The following TMEM272 variants were observed in gnomAD, a reference collection of about 807,000 sequenced individuals.
TMEM272 encodes transmembrane protein 272, also known as long intergenic non-protein coding RNA 282.
Under a neutral mutation model 3.7 loss-of-function variants are expected in TMEM272, and 8 were observed. That is an observed-to-expected ratio of 2.17 (90% CI 1.27 to 3.91). The LOEUF (loss-of-function observed/expected upper bound fraction) is 3.91, where lower values mean the gene tolerates loss of function less well. TMEM272 is among the 30% of genes most tolerant of loss of function. The probability of loss-of-function intolerance (pLI) is 0.00; values close to 1 mark genes in which losing one functional copy is unlikely to be tolerated. For missense variants in TMEM272, 166 were observed against 91.5 expected (o/e 1.81, Z -3.32); for synonymous variants, 63 against 39.8 (o/e 1.58, Z -2.20).
the TMEM272 span, among the ~76,000 whole-genome samples, chr13:51,890,128 T>A: frequency 6.6e-6 from 1 of 152,166 alleles, no homozygotes; most frequent in Non-Finnish European, 1.5e-5. Flanking sequence ...AGTCCTCATC[T>A]TTGAGCACTC....
the TMEM272 span, among the ~76,000 whole-genome samples, chr13:51,918,349 ATCTT>A: frequency 2.0e-5 from 3 of 152,170 alleles, no homozygotes; most frequent in Non-Finnish European, 4.4e-5. Context: ...CGCTTTAAAA[ATCTT>A]TCTCAGTGTC....
At chr13:51,910,708 C>T in the TMEM272 span, 2 of 397,112 alleles carry the variant, frequency 5.0e-6, no homozygotes, top group Non-Finnish European at 4.9e-6. Flanking sequence ...GCCTTCTGTT[C>T]GGAACTCAAA....
At chr13:51,921,145 C>T in the TMEM272 span, 1 of 152,364 alleles carries the variant, frequency 6.6e-6, no homozygotes, top group African/African-American at 2.4e-5. Context: ...AGCGGCTACA[C>T]ATTTCTCAGG....
At chr13:51,904,601 T>C in the TMEM272 span, among the ~76,000 whole-genome samples, 2 of 152,206 alleles carry the variant, frequency 1.3e-5, no homozygotes, top group African/African-American at 4.8e-5. Flanking sequence ...GTTTTCAAGA[T>C]ATTGTGAAAA....
chr13:51,921,909 T>TGC, the TMEM272 span, among the ~76,000 whole-genome samples: 1 of 152,062 alleles, frequency 6.6e-6, no homozygotes, highest in Non-Finnish European at 1.5e-5. Context: ...ACCCACTGTG[T>TGC]GCGTGTGTGT....
intron 1 of TMEM272, among the ~76,000 whole-genome samples, chr13:51,840,870 C>T (rs1199334947): frequency 3.3e-4 from 50 of 152,230 alleles, no homozygotes; most frequent in Admixed American, 3.3e-3. Context: ...CCACAGCCTC[C>T]TTCCACATCC....
the TMEM272 span, among the ~76,000 whole-genome samples, chr13:51,874,511 G>A: frequency 6.6e-6 from 1 of 152,294 alleles, no homozygotes; most frequent in Non-Finnish European, 1.5e-5. Flanking sequence ...TTCCCTGAGG[G>A]AAGGAGTGTG....
At chr13:51,887,630 C>T in the TMEM272 span, among the ~76,000 whole-genome samples, 2 of 152,178 alleles carry the variant, frequency 1.3e-5, no homozygotes, top group Non-Finnish European at 2.9e-5. Flanking sequence ...TCCAGTAATG[C>T]ATATCCTTAT....
At chr13:51,843,401 T>G (rs865990728) in intron 1 of TMEM272, among the ~76,000 whole-genome samples, 11 of 152,246 alleles carry the variant, frequency 7.2e-5, no homozygotes, top group Middle Eastern at 3.4e-3. Flanking sequence ...AAACTGCACG[T>G]TCCTTGGAGC....
the TMEM272 span, chr13:51,866,356 T>C: frequency 3.7e-4 from 129 of 346,456 alleles, no homozygotes; most frequent in African/African-American, 2.5e-3. Context: ...TGTGCGGGTG[T>C]TTGGAAGTGG....
the TMEM272 span, among the ~76,000 whole-genome samples, chr13:51,915,113 T>C: frequency 6.6e-6 from 1 of 152,056 alleles, no homozygotes; most frequent in African/African-American, 2.4e-5. Flanking sequence ...TAAAGAAAAA[T>C]CATTTCATGT....
At chr13:51,825,724 T>C (rs1023870123) in intron 3 of TMEM272, among the ~76,000 whole-genome samples, 1 of 150,746 alleles carries the variant, frequency 6.6e-6, no homozygotes, top group African/African-American at 2.4e-5. Context: ...GTCCCCCGAG[T>C]AGCTGGGACT....
chr13:51,841,411 C>G (rs146537658), intron 1 of TMEM272, among the ~76,000 whole-genome samples: 323 of 152,314 alleles, frequency 2.1e-3, no homozygotes, highest in Admixed American at 3.5e-3. Context: ...TTTCTATCAG[C>G]GCCTACAAAC....
the TMEM272 span, among the ~76,000 whole-genome samples, chr13:51,904,408 G>C: frequency 6.6e-6 from 1 of 152,188 alleles, no homozygotes; most frequent in African/African-American, 2.4e-5. Flanking sequence ...TGTTGATGAT[G>C]ATGATAATGA....
the TMEM272 span, among the ~76,000 whole-genome samples, chr13:51,866,945 C>T: frequency 4.6e-5 from 7 of 152,174 alleles, no homozygotes; most frequent in Non-Finnish European, 7.3e-5. Flanking sequence ...GGGAGTAGTA[C>T]ATTGAATGAA....
the TMEM272 span, among the ~76,000 whole-genome samples, chr13:51,915,381 C>T: frequency 1.3e-5 from 2 of 152,176 alleles, no homozygotes; most frequent in African/African-American, 2.4e-5. Context: ...CTTGGAATTG[C>T]CATTGAAAAA....
chr13:51,930,697 T>A, the TMEM272 span: 1 of 151,626 alleles, frequency 6.6e-6, no homozygotes, highest in African/African-American at 2.4e-5. Context: ...TCTAACTCAA[T>A]TGTATACACA....
the TMEM272 span, among the ~76,000 whole-genome samples, chr13:51,925,359 A>G: frequency 3.3e-5 from 5 of 152,260 alleles, no homozygotes; most frequent in Admixed American, 3.3e-4. Context: ...CATCATCAGC[A>G]AAAGTACTGC....
At chr13:51,877,101 T>C in the TMEM272 span, among the ~76,000 whole-genome samples, 8 of 152,160 alleles carry the variant, frequency 5.3e-5, no homozygotes, top group South Asian at 1.7e-3. Context: ...GAACCAGAGA[T>C]AGAAAACAAG....
Sources: allele counts gnomAD v4.1 joint callset (sites outside exome capture counted in the v4.1 genomes callset), GRCh38; gene constraint gnomAD v4.1.1; transcripts MANE v1.5; gene names NCBI Gene and HGNC (gene_info 2026-07-23, HGNC 2026-07-21).